Variants in KYAT3 observed in about 807,000 individuals in gnomAD.
The protein encoded by KYAT3 is kynurenine--oxoglutarate transaminase 3.
KYAT3 carries 50 observed loss-of-function variants against 59.0 expected under a neutral mutation model. The observed-to-expected ratio is 0.85, with a 90% CI of 0.68 to 1.07. KYAT3 has a LOEUF of 1.07. Ranked by LOEUF, KYAT3 falls within the 50% of genes least tolerant of loss-of-function variation. The pLI is 0.00. For synonymous variants in KYAT3, 148 were observed against 177.0 expected (o/e 0.84, Z 1.30); for missense variants, 497 against 533.3 (o/e 0.93, Z 0.67).
intron 13 of KYAT3, among the ~76,000 whole-genome samples, chr1:88,942,528 T>C (rs1675275393): frequency 6.6e-6 from 1 of 152,226 alleles, no homozygotes; most frequent in Non-Finnish European, 1.5e-5. Context: ...TTATGTTGTC[T>C]TCTTTCAAAA....
At chr1:88,949,353 A>G (rs939451883) in intron 10 of KYAT3, 76 bp from the exon 11 acceptor site, 1 of 1,056,068 alleles carries the variant, frequency 9.5e-7, no homozygotes, top group African/African-American at 1.6e-5. Flanking sequence ...GGTATAATAA[A>G]TAGAGATGAT....
intron 4 of KYAT3, among the ~76,000 whole-genome samples, chr1:88,968,192 G>C (rs1228970689): frequency 6.6e-6 from 1 of 152,130 alleles, no homozygotes; most frequent in Non-Finnish European, 1.5e-5. Context: ...TAATTGTATG[G>C]CTTTTGGCAC....
intron 2 of KYAT3, chr1:88,981,004 G>T (rs529131464): frequency 4.6e-5 from 7 of 152,280 alleles, no homozygotes; most frequent in Admixed American, 3.9e-4. Flanking sequence ...AGTTGAGTTA[G>T]TTCCTCTAAT....
At position 88,983,849 on chromosome 1, in the gene KYAT3, G is replaced by A. The variant is rs1450698774; in HGVS notation, c.99+4403C>T. ...CATTTTTTTTTTTGCCGGTGAGTCG[G>A]AGGGGTGACAGTGGGTTCAAGCTCC... On this transcript the variant is annotated intron_variant, in intron 2 of 13. Transcript: ENST00000260508. 3.2e-6 allele frequency: 5 copies of A among 1,565,628 alleles called. No individual in the cohort carries two copies. The South Asian group carries it at 3.3e-5, about 10-fold the overall frequency.
chr1:88,975,181 A>T (rs1676727192), intron 2 of KYAT3, among the ~76,000 whole-genome samples: 1 of 152,186 alleles, frequency 6.6e-6, no homozygotes, highest in East Asian at 1.9e-4. Flanking sequence ...CAAACTCCAG[A>T]CACACCATCT....
intron 2 of KYAT3, among the ~76,000 whole-genome samples, chr1:88,974,065 G>T (rs1489224343): frequency 6.6e-6 from 1 of 152,112 alleles, no homozygotes; most frequent in Admixed American, 6.5e-5. Flanking sequence ...GCAAGAAAAG[G>T]CCAGAAATAG....
At chr1:88,968,549 G>T in intron 4 of KYAT3, 121 bp downstream of exon 4, 1 of 730,086 alleles carries the variant, frequency 1.4e-6, no homozygotes, top group East Asian at 3.0e-5. Flanking sequence ...TTGCTAGGAT[G>T]GGACAGCTGG....
At position 88,961,422 on chromosome 1, in the gene KYAT3, TG is replaced by T. The variant is rs1676141873; in HGVS notation, c.624del (p.Ala210LeufsTer4). 1 of 1,613,978 alleles carries T rather than the reference TG, an allele frequency of 6.2e-7. No individual in the cohort carries two copies. Among genetic ancestry groups the T allele is most frequent in the South Asian group, 1.1e-5 (1 of 91,080 alleles). ...QELESKFNSK[T>X]KAIILNTPHN... The stretch of plus-strand genomic sequence containing the variant: ...TGTGGAGTATTTAGTATAATAGCTT[TG>T]GTTTTGGAATTAAATTTACTTTCCA... On this transcript the variant is annotated frameshift_variant, in exon 7 of 14. Coordinates refer to ENST00000260508, the MANE Select transcript of KYAT3 (RefSeq NM_001008661.3). LOFTEE classifies it high-confidence loss of function.
intron 5 of KYAT3, 176 bp downstream of exon 5, chr1:88,964,653 C>A: frequency 1.7e-6 from 1 of 600,598 alleles, no homozygotes; most frequent in Non-Finnish European, 3.0e-6. Context: ...CAGAAATTTA[C>A]ACAGTAATTT....
chr1:88,962,041 C>T lies in KYAT3; in HGVS notation c.540+18G>A, dbSNP rs779219468. On this transcript the variant is annotated intron_variant, in intron 6 of 13. Transcript: ENST00000260508. ...AAGTCTTGAAACTTTGCCATATGAA[C>T]CATACTGGCAAACTTACAGATCTCA... 1 of 1,582,988 alleles carries T rather than the reference C, an allele frequency of 6.3e-7. No individual in the cohort carries two copies. Among genetic ancestry groups the T allele is most frequent in the South Asian group, 1.1e-5 (1 of 90,394 alleles).
At chr1:88,965,504 C>T (rs771311462) in intron 4 of KYAT3, among the ~76,000 whole-genome samples, 1 of 152,182 alleles carries the variant, frequency 6.6e-6, no homozygotes. Flanking sequence ...AGACACTACT[C>T]ACACTGACAG....
chr1:88,928,457 T>C, the KYAT3 span, among the ~76,000 whole-genome samples: 2 of 152,204 alleles, frequency 1.3e-5, no homozygotes, highest in South Asian at 2.1e-4. Flanking sequence ...AGAGAAAAGC[T>C]GGGCAAATCG....
chr1:88,968,608 CACAG>C, intron 4 of KYAT3, 58 bp downstream of exon 4: 24 of 1,334,874 alleles, frequency 1.8e-5, no homozygotes, highest in Non-Finnish European at 2.4e-5. Flanking sequence ...CATGCACACA[CACAG>C]ACACACACCC....
At chr1:88,981,963 G>C (rs1677112457) in intron 2 of KYAT3, 1 of 983,244 alleles carries the variant, frequency 1.0e-6, no homozygotes, top group African/African-American at 1.8e-5. Flanking sequence ...CAGCTTCATG[G>C]TTGGTTTTGG....
chr1:88,971,758 G>A (rs1030664996), intron 2 of KYAT3, among the ~76,000 whole-genome samples: 2 of 152,078 alleles, frequency 1.3e-5, no homozygotes, highest in Non-Finnish European at 2.9e-5. Flanking sequence ...CTTGCCAAGT[G>A]CAGTTCTCAA....
chr1:88,958,418 TAA>T (rs34576826), intron 8 of KYAT3, among the ~76,000 whole-genome samples: 22 of 138,922 alleles, frequency 1.6e-4, no homozygotes, highest in African/African-American at 1.6e-4. Context: ...CTCATCTTTG[TAA>T]AAAAAAAAAA....
chr1:88,957,186 A>G (rs923892817), intron 8 of KYAT3, among the ~76,000 whole-genome samples: 10 of 152,224 alleles, frequency 6.6e-5, no homozygotes, highest in African/African-American at 2.4e-4. Flanking sequence ...TTATAATTTT[A>G]TTCTCTGTGG....
the KYAT3 span, among the ~76,000 whole-genome samples, chr1:88,927,219 C>G: frequency 6.6e-6 from 1 of 151,870 alleles, no homozygotes; most frequent in Non-Finnish European, 1.5e-5. Flanking sequence ...GGAAACATTC[C>G]CCCCAAGGCA....
chr1:88,936,046 A>T lies in KYAT3; in HGVS notation c.*137T>A. 1 of 608,536 alleles carries T rather than the reference A, an allele frequency of 1.6e-6. No homozygotes were observed. Among genetic ancestry groups the T allele is most frequent in the Non-Finnish European group, 2.8e-6 (1 of 355,082 alleles). 37.7% of individuals were successfully genotyped at this position (608,536 alleles called of 1,614,324 possible). On this transcript the variant is annotated 3_prime_UTR_variant, in exon 14 of 14. Coordinates refer to ENST00000260508, the MANE Select transcript of KYAT3 (RefSeq NM_001008661.3). ...CGAAAATGTTGTTAGGAGTTGGGTTAACTGCTTTGGAAAAACAATGGAAAT... is the reference window on the plus strand; with the variant it reads ...CGAAAATGTTGTTAGGAGTTGGGTTTACTGCTTTGGAAAAACAATGGAAAT...
Sources: gnomAD v4.1 joint callset for allele counts (sites outside exome capture counted in the v4.1 genomes callset) on GRCh38, gnomAD v4.1.1 for gene constraint, MANE v1.5 for transcripts, NCBI Gene and HGNC (gene_info 2026-07-23, HGNC 2026-07-21) for gene names.